The following THSD7B variants were observed in gnomAD, a reference collection of about 807,000 sequenced individuals.
THSD7B encodes the protein thrombospondin type-1 domain-containing protein 7B.
A neutral mutation model predicts 213.6 loss-of-function variants in THSD7B; 138 were observed. The observed-to-expected ratio is 0.65, with a 90% CI of 0.56 to 0.74. The LOEUF is 0.74. Among genes scored for constraint, THSD7B ranks in the 30% least tolerant of loss-of-function variants. The pLI, the probability that THSD7B is intolerant of heterozygous loss-of-function variation, is 0.00. For missense variants in THSD7B, 1,931 were observed against 1,991.5 expected, an observed-to-expected ratio of 0.97 and a Z score of 0.58; for synonymous variants, 742 against 687.0, an observed-to-expected ratio of 1.08 and a Z score of -1.25.
chr2:136,793,506 A>T (rs555985907), intron 1 of THSD7B, among the ~76,000 whole-genome samples: 1 of 151,964 alleles, frequency 6.6e-6, no homozygotes, highest in Non-Finnish European at 1.5e-5. Context: ...GTTTAATGGC[A>T]TCTTTGAAGA....
chr2:137,068,334 C>T (rs1450580734), intron 3 of THSD7B, among the ~76,000 whole-genome samples: 6 of 152,066 alleles, frequency 3.9e-5, no homozygotes, highest in Non-Finnish European at 8.8e-5. Context: ...CTATAACTCT[C>T]ATTTAGTCTT....
In THSD7B at chr2:137,070,561, TA is replaced by T. The variant is rs974924380; in HGVS notation, c.950+13334del. Among the ~76,000 whole-genome samples, 38 of 150,906 alleles carry T rather than the reference TA, an allele frequency of 2.5e-4. 1 individual carries two copies. Among genetic ancestry groups the T allele is most frequent in the African/African-American group, 7.1e-4 (29 of 40,972 alleles). ...TTTTTAAAATTTTTTATTTTTTTTT[TA>T]AATTTTATTATTATTATACTTTAAG... is the stretch of plus-strand genomic sequence containing the variant. On this transcript the variant is annotated intron_variant, in intron 3 of 27. Coordinates refer to ENST00000409968, the MANE Select transcript of THSD7B (RefSeq NM_001316349.2).
At chr2:137,619,155 TG>T (rs1682466374) in intron 19 of THSD7B, among the ~76,000 whole-genome samples, 1 of 152,122 alleles carries the variant, frequency 6.6e-6, no homozygotes, top group Non-Finnish European at 1.5e-5. Flanking sequence ...AAAAACACTA[TG>T]GGGGCAGTTT....
intron 19 of THSD7B, among the ~76,000 whole-genome samples, chr2:137,619,848 C>A (rs186849180): frequency 6.6e-6 from 1 of 152,288 alleles, no homozygotes; most frequent in Non-Finnish European, 1.5e-5. Flanking sequence ...ACCCACTTGG[C>A]AAGTCATTGT....
In THSD7B at chr2:137,115,197, C is replaced by T; in HGVS notation, c.1273C>T (p.His425Tyr). 6.2e-7 allele frequency: 1 copy of T among 1,613,908 alleles called. No individual in the cohort carries two copies. Among genetic ancestry groups the T allele is most frequent in the Non-Finnish European group, 8.5e-7 (1 of 1,179,860 alleles). ...LLLEQQDPHW[H>Y]VTGPVCGGGI... is the part of the protein sequence containing the mutation. ...CCTCGAGCAGCAGGATCCCCACTGGCATGTGACGGGACCCGTGTGTGGCGG... is the reference window on the plus strand; with the variant it reads ...CCTCGAGCAGCAGGATCCCCACTGGTATGTGACGGGACCCGTGTGTGGCGG... The change falls in exon 5 of 28, where the codon CAT becomes TAT. Residue 425 changes from histidine (H) to tyrosine (Y), a missense_variant. Physicochemically the swap from His to Tyr is moderately conservative, Grantham distance 83 (BLOSUM62 2). Transcript: ENST00000409968.
At chr2:137,063,933 G>T (rs1434019502) in intron 3 of THSD7B, among the ~76,000 whole-genome samples, 1 of 152,044 alleles carries the variant, frequency 6.6e-6, no homozygotes, top group Non-Finnish European at 1.5e-5. Flanking sequence ...CACTTGGGTT[G>T]CTTCCAAATC....
intron 12 of THSD7B, among the ~76,000 whole-genome samples, chr2:137,277,960 G>A (rs1271566067): frequency 6.6e-6 from 1 of 152,038 alleles, no homozygotes; most frequent in African/African-American, 2.4e-5. Flanking sequence ...TCTTTTTCTT[G>A]TGGGAGCATG....
chr2:137,231,841 T>C (rs1681646501), intron 8 of THSD7B, among the ~76,000 whole-genome samples: 1 of 152,134 alleles, frequency 6.6e-6, no homozygotes, highest in Admixed American at 6.5e-5. Context: ...ATGGTGATGG[T>C]CTCTGTCTCC....
At chr2:137,244,298 T>C (rs1408884568) in intron 10 of THSD7B, among the ~76,000 whole-genome samples, 1 of 152,232 alleles carries the variant, frequency 6.6e-6, no homozygotes, top group Non-Finnish European at 1.5e-5. Flanking sequence ...GAGAGTTTAG[T>C]ACAATTCCTG....
chr2:136,781,611 C>A (rs564073835), intron 1 of THSD7B, among the ~76,000 whole-genome samples: 1 of 152,034 alleles, frequency 6.6e-6, no homozygotes, highest in East Asian at 1.9e-4. Flanking sequence ...TCTATATGTC[C>A]AGCTCCCTCC....
chr2:136,765,903 C>A (rs1279245338), intron 1 of THSD7B, among the ~76,000 whole-genome samples: 1 of 152,236 alleles, frequency 6.6e-6, no homozygotes, highest in Non-Finnish European at 1.5e-5. Context: ...CTGCGGGAAG[C>A]GTGGGCTGCC....
intron 2 of THSD7B, among the ~76,000 whole-genome samples, chr2:137,039,393 A>T (rs1686837512): frequency 6.6e-6 from 1 of 152,184 alleles, no homozygotes; most frequent in South Asian, 2.1e-4. Context: ...CAATGTCTGG[A>T]GACATTTTTG....
intron 17 of THSD7B, among the ~76,000 whole-genome samples, chr2:137,588,266 GA>G (rs2104810381): frequency 6.6e-6 from 1 of 152,278 alleles, no homozygotes; most frequent in South Asian, 2.1e-4. Context: ...GGAATTCCCT[GA>G]CCCCTTATGC....
At chr2:136,777,743 T>C (rs569892043) in intron 1 of THSD7B, among the ~76,000 whole-genome samples, 1 of 152,276 alleles carries the variant, frequency 6.6e-6, no homozygotes, top group African/African-American at 2.4e-5. Flanking sequence ...AAAGAATAGC[T>C]ACCAAATAAA....
At chr2:137,103,174 C>T (rs918956653) in intron 4 of THSD7B, among the ~76,000 whole-genome samples, 5 of 152,256 alleles carry the variant, frequency 3.3e-5, no homozygotes, top group Middle Eastern at 3.4e-3. Flanking sequence ...GCTGATCAGA[C>T]GGAGAGTGGA....
At chr2:137,053,622 A>T (rs1188698425) in intron 2 of THSD7B, among the ~76,000 whole-genome samples, 1 of 152,172 alleles carries the variant, frequency 6.6e-6, no homozygotes, top group Non-Finnish European at 1.5e-5. Flanking sequence ...AAAAGTAAAG[A>T]CAAGAGTTAC....
At chr2:137,332,708 G>A (rs1192747824) in intron 12 of THSD7B, among the ~76,000 whole-genome samples, 4 of 152,088 alleles carry the variant, frequency 2.6e-5, no homozygotes, top group African/African-American at 4.8e-5. Context: ...CTGGTGAGAG[G>A]TAATTGAATC....
At chr2:137,132,359 G>A (rs1038231226) in intron 5 of THSD7B, among the ~76,000 whole-genome samples, 5 of 117,678 alleles carry the variant, frequency 4.2e-5, no homozygotes, top group Non-Finnish European at 7.7e-5. Context: ...TTTCCTAAAA[G>A]GGTATTCAAT....
chr2:136,957,548 A>G (rs924168409), intron 2 of THSD7B, among the ~76,000 whole-genome samples: 9 of 152,004 alleles, frequency 5.9e-5, no homozygotes, highest in Admixed American at 5.2e-4. Flanking sequence ...TTGTGTGACT[A>G]AAGTATTTCC....
Sources: allele counts gnomAD v4.1 joint callset (sites outside exome capture counted in the v4.1 genomes callset), GRCh38; gene constraint gnomAD v4.1.1; transcripts MANE v1.5; gene names NCBI Gene and HGNC (gene_info 2026-07-23, HGNC 2026-07-21).